The following AFDN variants were observed in gnomAD, a reference collection of about 807,000 sequenced individuals.
AFDN encodes afadin, adherens junction formation factor.
Under a neutral mutation model 216.6 loss-of-function variants are expected in AFDN, and 68 were observed. The observed-to-expected ratio is 0.31, with a 90% CI of 0.26 to 0.38. The LOEUF (loss-of-function observed/expected upper bound fraction) is 0.38. AFDN is among the 10% of genes least tolerant of loss of function. The pLI is 1.00. For missense variants in AFDN, 2,136 were observed against 2,342.0 expected, an observed-to-expected ratio of 0.91 and a Z score of 1.82; for synonymous variants, 868 against 853.7, an observed-to-expected ratio of 1.02 and a Z score of -0.29.
chr6:167,846,311 A>T (rs1332486236), intron 1 of AFDN, among the ~76,000 whole-genome samples: 1 of 152,080 alleles, frequency 6.6e-6, no homozygotes, highest in African/African-American at 2.4e-5. Context: ...AGATCTTTAA[A>T]TGTTGACTAG....
intron 10 of AFDN, among the ~76,000 whole-genome samples, chr6:167,897,641 C>CAT (rs1562631167): frequency 9.9e-5 from 9 of 90,622 alleles, no homozygotes; most frequent in African/African-American, 4.3e-4. Context: ...TGACTGTATG[C>CAT]CTTTTTTTTT....
intron 1 of AFDN, among the ~76,000 whole-genome samples, chr6:167,844,208 GT>G (rs1781386152): frequency 6.6e-6 from 1 of 150,430 alleles, no homozygotes; most frequent in Non-Finnish European, 1.5e-5. Flanking sequence ...GTGTGTGTGT[GT>G]GTGTGTGTGT....
At chr6:167,939,959 C>T (rs1029219824) in intron 23 of AFDN, among the ~76,000 whole-genome samples, 3 of 152,186 alleles carry the variant, frequency 2.0e-5, no homozygotes, top group African/African-American at 7.2e-5. Flanking sequence ...TATATTTTAT[C>T]TTTTATTTTT....
intron 23 of AFDN, among the ~76,000 whole-genome samples, chr6:167,929,797 A>G (rs1451924892): frequency 3.3e-5 from 5 of 152,290 alleles, no homozygotes; most frequent in African/African-American, 9.6e-5. Context: ...TAACTTGTAG[A>G]TGATGTTCAC....
chr6:167,908,463 G>T (rs929836848), intron 13 of AFDN, among the ~76,000 whole-genome samples: 1 of 152,280 alleles, frequency 6.6e-6, no homozygotes, highest in African/African-American at 2.4e-5. Flanking sequence ...ACTTGTTTTT[G>T]TTGGTGGATT....
chr6:167,942,268 A>C (rs1582985630), intron 23 of AFDN, among the ~76,000 whole-genome samples: 1 of 152,318 alleles, frequency 6.6e-6, no homozygotes, highest in East Asian at 1.9e-4. Context: ...CATGTGTTGA[A>C]TCGTATCTTC....
intron 4 of AFDN, among the ~76,000 whole-genome samples, chr6:167,874,277 C>G (rs1785099774): frequency 6.6e-6 from 1 of 152,016 alleles, no homozygotes; most frequent in Non-Finnish European, 1.5e-5. Context: ...ATGACTCGCT[C>G]TATTTATCAT....
intron 1 of AFDN, among the ~76,000 whole-genome samples, chr6:167,844,177 A>AGTGTGTGTGTGTGTGTGT (rs71004173): frequency 7.1e-6 from 1 of 141,696 alleles, no homozygotes; most frequent in African/African-American, 2.6e-5. Flanking sequence ...TCAAAAATGA[A>AGTGTGTGTGTGTGTGTGT]GTGTGTGTGT....
rs193073527 is a variant in AFDN at position 167,841,933 on chromosome 6, C to A, written c.105+14696C>A. Among the ~76,000 whole-genome samples the A allele has an allele frequency of 2.7e-3, 406 of 152,042 alleles. 4 individuals carry two copies. Among genetic ancestry groups the A allele is most frequent in the African/African-American group, 9.0e-3 (374 of 41,474 alleles). On this transcript the variant is annotated intron_variant, in intron 1 of 33. Coordinates refer to ENST00000683244, the MANE Select transcript of AFDN (RefSeq NM_001386888.1). ...CCTTCCTCTCTGTCCTTTCTTCTTA[C>A]CTCCCATTCACTCATCTTTGGGCTT...
chr6:167,916,857 C>T (rs939967126), intron 19 of AFDN, among the ~76,000 whole-genome samples: 1 of 152,088 alleles, frequency 6.6e-6, no homozygotes, highest in African/African-American at 2.4e-5. Context: ...TCTAATTATA[C>T]ATGCACGTCA....
At position 167,827,076 on chromosome 6, in the gene AFDN, T is replaced by C; in HGVS notation, c.-57T>C. The C allele has an allele frequency of 2.0e-6, 2 of 978,222 alleles. No individual in the cohort carries two copies. Among genetic ancestry groups the C allele is most frequent in the Non-Finnish European group, 2.6e-6 (2 of 776,042 alleles). The allele number at this position is 978,222 out of a possible 1,614,324, so 60.6% of individuals were successfully genotyped here. A position where few individuals can be genotyped will look rare whatever the true frequency, so the allele number is the denominator to read the frequency against. Reference sequence around the variant, plus strand: ...GCGCCGGGCCCCCGCGGACCTGTCGTCCTCGGCCCGTCCTCCGGCCCCGGC... The same window carrying C: ...GCGCCGGGCCCCCGCGGACCTGTCGCCCTCGGCCCGTCCTCCGGCCCCGGC... On this transcript the variant is annotated 5_prime_UTR_variant, in exon 1 of 34. Transcript: ENST00000683244.
chr6:167,885,104 C>A (rs547758433), intron 6 of AFDN, among the ~76,000 whole-genome samples: 5 of 152,302 alleles, frequency 3.3e-5, no homozygotes, highest in African/African-American at 1.2e-4. Context: ...TCACCTCTCT[C>A]AGCCTTCATA....
intron 1 of AFDN, among the ~76,000 whole-genome samples, chr6:167,846,269 C>A (rs556654856): frequency 6.6e-6 from 1 of 151,902 alleles, no homozygotes; most frequent in Non-Finnish European, 1.5e-5. Context: ...TGCGTGGTAT[C>A]GAAAGAAGCC....
Position 167,952,183 on chromosome 6 carries a change from C to T in AFDN, c.4829C>T (p.Ala1610Val), listed in dbSNP as rs759940319. ...IMQRLEAERR[A>V]RLQDEERRRQ... ...CAGCGCCTGGAGGCTGAACGAAGAG[C>T]GAGGGTAAAGGGGGGAGTGCTTTGG... is the stretch of plus-strand genomic sequence containing the variant. Residue 1610 changes from alanine to valine, a missense_variant, in exon 30 of 34, where the codon GCG becomes GTG. By Grantham distance (64) the Ala-to-Val change is moderately conservative. Coordinates refer to ENST00000683244, the MANE Select transcript of AFDN (RefSeq NM_001386888.1). 12 of 1,613,874 alleles carry T rather than the reference C, an allele frequency of 7.4e-6. No homozygotes were observed. The highest frequency in any genetic ancestry group is 5.3e-5 in the African/African-American group (4 of 74,898).
intron 9 of AFDN, among the ~76,000 whole-genome samples, chr6:167,894,867 G>C (rs573413585): frequency 2.0e-4 from 30 of 152,190 alleles, no homozygotes; most frequent in Non-Finnish European, 3.2e-4. Context: ...GAATATGAAT[G>C]TGAATTTTTC....
At chr6:167,835,975 A>G (rs1042071676) in intron 1 of AFDN, among the ~76,000 whole-genome samples, 56 of 152,202 alleles carry the variant, frequency 3.7e-4, no homozygotes, top group African/African-American at 1.3e-3. Context: ...AAATGTAAAC[A>G]TAGGGCTCAT....
intron 24 of AFDN, 80 bp downstream of exon 24, chr6:167,943,274 C>G (rs1372556885): frequency 6.9e-7 from 1 of 1,446,904 alleles, no homozygotes; most frequent in Non-Finnish European, 9.7e-7. Context: ...GCTGATACTT[C>G]TAGTTATGTA....
At chr6:167,963,397 T>G in intron 31 of AFDN, 1 of 1,056,556 alleles carries the variant, frequency 9.5e-7, no homozygotes, top group Non-Finnish European at 1.1e-6. Context: ...GCTTTCAGTG[T>G]TACAACTTCT....
At position 167,833,610 on chromosome 6, in the gene AFDN, A is replaced by G. The variant is rs139996033; in HGVS notation, c.105+6373A>G. On this transcript the variant is annotated intron_variant, in intron 1 of 33. Transcript: ENST00000683244. ...TACTTTCCATTGTGGTCTACTTATT[A>G]TTCTAGTTCCTGATTTTTTTATAGG... is the stretch of plus-strand genomic sequence containing the variant. Among the ~76,000 whole-genome samples, 1,303 of 152,234 alleles carry G rather than the reference A, an allele frequency of 8.6e-3. 29 individuals are homozygous for G. The highest frequency in any genetic ancestry group is 0.03 in the African/African-American group (1,239 of 41,532).
Sources: gnomAD v4.1 joint callset for allele counts (sites outside exome capture counted in the v4.1 genomes callset) on GRCh38, gnomAD v4.1.1 for gene constraint, MANE v1.5 for transcripts, NCBI Gene and HGNC (gene_info 2026-07-23, HGNC 2026-07-21) for gene names.